Variants in CARMIL1 observed in about 807,000 individuals in gnomAD.
CARMIL1 encodes the protein capping protein regulator and myosin 1 linker 1, also known as F-actin-uncapping protein LRRC16A.
CARMIL1 carries 90 observed loss-of-function variants against 177.1 expected under a neutral mutation model. That is an observed-to-expected ratio of 0.51 (90% confidence interval 0.43 to 0.61). The LOEUF is 0.61. Among genes scored for constraint, CARMIL1 ranks in the 20% least tolerant of loss-of-function variants. The pLI, the probability that CARMIL1 is intolerant of heterozygous loss-of-function variation, is 0.00. For synonymous variants in CARMIL1, 577 were observed against 606.2 expected, an observed-to-expected ratio of 0.95 and a Z score of 0.71; for missense variants, 1,380 against 1,667.0, an observed-to-expected ratio of 0.83 and a Z score of 3.00.
chr6:25,540,861 C>G (rs1020692537), intron 26 of CARMIL1, among the ~76,000 whole-genome samples: 4 of 152,178 alleles, frequency 2.6e-5, no homozygotes, highest in Admixed American at 2.0e-4. Context: ...GTTAATTACT[C>G]TCTTTGAAAA....
chr6:25,391,146 C>T (rs1319030795), intron 2 of CARMIL1, among the ~76,000 whole-genome samples: 2 of 152,222 alleles, frequency 1.3e-5, no homozygotes, highest in Non-Finnish European at 2.9e-5. Flanking sequence ...GCTATTTGTA[C>T]TCTACAAGAA....
chr6:25,420,311 T>G (rs1581879138), intron 3 of CARMIL1, 147 bp downstream of exon 3: 1 of 757,038 alleles, frequency 1.3e-6, no homozygotes, highest in Non-Finnish European at 2.3e-6. Context: ...CATAGACTTT[T>G]GATTTAAGCT....
In CARMIL1 at chr6:25,349,817, C is replaced by T. The variant is rs1420451764; in HGVS notation, c.138+64908C>T. ...AATTTCGGCTCACTGCAACCTCCAA[C>T]TCCCTGGTTCAAGCTATTCTCCTGC... On this transcript the variant is annotated intron_variant, in intron 2 of 36. Transcript: ENST00000329474. Among the ~76,000 whole-genome samples the T allele has an allele frequency of 2.0e-5, 3 of 148,802 alleles. No homozygotes were observed. The East Asian group carries it at 6.1e-4, about 30-fold the overall frequency.
Position 25,325,693 on chromosome 6 carries a change from GAC to G in CARMIL1, c.138+40786_138+40787del, listed in dbSNP as rs1379886124. On this transcript the variant is annotated intron_variant, in intron 2 of 36. Transcript: ENST00000329474. Reference sequence around the variant, plus strand: ...GTGATTCAGCATGTAGCGTGTAGCAGACAGTGTGCTGAAGATACAGCAGATGT... The same window carrying G: ...GTGATTCAGCATGTAGCGTGTAGCAGAGTGTGCTGAAGATACAGCAGATGT... Among the ~76,000 whole-genome samples, 720 of 152,158 alleles carry G rather than the reference GAC, an allele frequency of 4.7e-3. 6 individuals are homozygous for G. The highest frequency in any genetic ancestry group is 0.017 in the African/African-American group (687 of 41,416).
At chr6:25,534,642 C>T (rs1302277111) in intron 24 of CARMIL1, among the ~76,000 whole-genome samples, 2 of 152,104 alleles carry the variant, frequency 1.3e-5, no homozygotes, top group Non-Finnish European at 2.9e-5. Context: ...TATGATATGG[C>T]AGGCACTATC....
intron 2 of CARMIL1, among the ~76,000 whole-genome samples, chr6:25,336,376 C>T (rs925117018): frequency 1.3e-5 from 2 of 152,164 alleles, no homozygotes; most frequent in Non-Finnish European, 2.9e-5. Context: ...GGAAGTCCTT[C>T]CAGTGACAGA....
At chr6:25,490,733 A>G (rs1181336324) in intron 13 of CARMIL1, among the ~76,000 whole-genome samples, 1 of 134,602 alleles carries the variant, frequency 7.4e-6, no homozygotes. Flanking sequence ...AAATAAATAA[A>G]TAAATAAATA....
At chr6:25,568,073 G>A (rs1456890503) in intron 29 of CARMIL1, among the ~76,000 whole-genome samples, 1 of 152,148 alleles carries the variant, frequency 6.6e-6, no homozygotes, top group African/African-American at 2.4e-5. Context: ...TTTAGCTTTG[G>A]CCTTTGACGT....
intron 2 of CARMIL1, among the ~76,000 whole-genome samples, chr6:25,412,745 G>A (rs1159444756): frequency 6.6e-6 from 1 of 152,132 alleles, no homozygotes; most frequent in Non-Finnish European, 1.5e-5. Flanking sequence ...GGCTTTATGA[G>A]CCATAAAACT....
chr6:25,455,505 A>T (rs535121358), intron 8 of CARMIL1, among the ~76,000 whole-genome samples: 1 of 152,286 alleles, frequency 6.6e-6, no homozygotes, highest in Admixed American at 6.5e-5. Flanking sequence ...ATGGTGAGTG[A>T]TCTGCTCTGG....
intron 2 of CARMIL1, among the ~76,000 whole-genome samples, chr6:25,369,454 C>G (rs968886997): frequency 2.6e-5 from 4 of 150,996 alleles, no homozygotes; most frequent in Admixed American, 1.3e-4. Flanking sequence ...GCTTAAGACT[C>G]CCGTTTCCAC....
At chr6:25,286,589 G>GA (rs1428880292) in intron 2 of CARMIL1, among the ~76,000 whole-genome samples, 1 of 152,174 alleles carries the variant, frequency 6.6e-6, no homozygotes, top group Admixed American at 6.5e-5. Flanking sequence ...GTGTAGAGAA[G>GA]AAATATTGTT....
intron 23 of CARMIL1, among the ~76,000 whole-genome samples, chr6:25,527,487 A>G (rs1449769580): frequency 1.3e-5 from 2 of 152,212 alleles, no homozygotes; most frequent in African/African-American, 4.8e-5. Flanking sequence ...ATAAGAATTA[A>G]TAAAGCAAAA....
intron 26 of CARMIL1, among the ~76,000 whole-genome samples, chr6:25,544,766 T>C (rs1488647703): frequency 3.3e-5 from 5 of 152,102 alleles, no homozygotes; most frequent in Non-Finnish European, 7.4e-5. Flanking sequence ...TAGCATTACA[T>C]GAAACAATGA....
At chr6:25,401,650 C>A (rs1181427226) in intron 2 of CARMIL1, among the ~76,000 whole-genome samples, 1 of 152,178 alleles carries the variant, frequency 6.6e-6, no homozygotes, top group African/African-American at 2.4e-5. Context: ...TGTTTCAAAG[C>A]AAGATTAATG....
At chr6:25,306,649 C>T (rs115359411) in intron 2 of CARMIL1, among the ~76,000 whole-genome samples, 4,250 of 152,230 alleles carry the variant, frequency 0.028, 69 homozygotes, top group Non-Finnish European at 0.038. Context: ...GAATAATATT[C>T]TGTTGTATGC....
intron 2 of CARMIL1, among the ~76,000 whole-genome samples, chr6:25,317,520 T>TC (rs985170036): frequency 1.3e-5 from 2 of 151,728 alleles, no homozygotes; most frequent in African/African-American, 4.8e-5. Context: ...CTAAGCTTTT[T>TC]TTTTTTTAAA....
At chr6:25,444,363 G>A (rs1043489780) in intron 5 of CARMIL1, among the ~76,000 whole-genome samples, 1 of 151,198 alleles carries the variant, frequency 6.6e-6, no homozygotes, top group African/African-American at 2.4e-5. Context: ...ATTTCAACCA[G>A]GTTCACAGTG....
At chr6:25,305,561 A>G (rs1339631513) in intron 2 of CARMIL1, among the ~76,000 whole-genome samples, 1 of 152,094 alleles carries the variant, frequency 6.6e-6, no homozygotes, top group Non-Finnish European at 1.5e-5. Flanking sequence ...GTTAATTCAC[A>G]CTCTTCCTTC....
Sources: allele counts gnomAD v4.1 joint callset (sites outside exome capture counted in the v4.1 genomes callset), GRCh38; gene constraint gnomAD v4.1.1; transcripts MANE v1.5; gene names NCBI Gene and HGNC (gene_info 2026-07-23, HGNC 2026-07-21).